Variants in PLCB4 observed in about 807,000 individuals in gnomAD.
PLCB4 encodes phospholipase C beta 4.
In PLCB4, 77 loss-of-function variants were observed where a neutral mutation model predicts 178.8. The ratio of observed to expected loss-of-function variants is 0.43; its 90% CI spans 0.36 to 0.52. PLCB4 has a LOEUF of 0.52. Ranked by LOEUF, PLCB4 falls within the 20% of genes least tolerant of loss-of-function variation. The probability of loss-of-function intolerance (pLI) is 0.00; values close to 1 mark genes in which losing one functional copy is unlikely to be tolerated. For missense variants in PLCB4, 1,024 were observed against 1,453.4 expected, an observed-to-expected ratio of 0.70 and a Z score of 4.80; for synonymous variants, 496 against 490.8, an observed-to-expected ratio of 1.01 and a Z score of -0.14.
At chr20:9,363,331 C>A (rs1308332868) in intron 8 of PLCB4, among the ~76,000 whole-genome samples, 3 of 152,158 alleles carry the variant, frequency 2.0e-5, no homozygotes, top group Admixed American at 2.0e-4. Context: ...TGGGGTAATT[C>A]TATCCTCTGC....
intron 7 of PLCB4, among the ~76,000 whole-genome samples, chr20:9,342,553 C>A (rs1443653494): frequency 6.6e-6 from 1 of 152,078 alleles, no homozygotes; most frequent in Non-Finnish European, 1.5e-5. Context: ...AACACTGTAA[C>A]TTAAGGCATA....
At chr20:9,389,982 A>G (rs776712772) in intron 16 of PLCB4, 24 bp downstream of exon 16, 4 of 1,251,454 alleles carry the variant, frequency 3.2e-6, no homozygotes, top group Admixed American at 3.4e-5. Flanking sequence ...TTCTGCCACA[A>G]GTCTCTATGT....
chr20:9,238,732 G>A (rs6140901), intron 3 of PLCB4, among the ~76,000 whole-genome samples: 11 of 152,300 alleles, frequency 7.2e-5, no homozygotes, highest in East Asian at 1.9e-4. Context: ...TTATATTTGA[G>A]AAACTTTCTG....
intron 33 of PLCB4, among the ~76,000 whole-genome samples, chr20:9,456,628 G>T (rs977701506): frequency 2.6e-5 from 4 of 152,136 alleles, no homozygotes; most frequent in Non-Finnish European, 5.9e-5. Flanking sequence ...GAATGTTTCG[G>T]CAGTGCTGCA....
At chr20:9,422,087 T>C (rs1196355929) in intron 27 of PLCB4, among the ~76,000 whole-genome samples, 1 of 152,204 alleles carries the variant, frequency 6.6e-6, no homozygotes, top group East Asian at 1.9e-4. Context: ...CAGTGGAAAA[T>C]CCGCACACCG....
intron 19 of PLCB4, among the ~76,000 whole-genome samples, chr20:9,398,689 G>GTAT (rs11469240): frequency 6.1e-4 from 91 of 150,294 alleles, no homozygotes; most frequent in East Asian, 2.5e-3. Flanking sequence ...GATGAAATGG[G>GTAT]TATTATTATT....
At chr20:9,263,253 A>AAT (rs1403411881) in intron 3 of PLCB4, among the ~76,000 whole-genome samples, 1 of 152,150 alleles carries the variant, frequency 6.6e-6, no homozygotes, top group East Asian at 1.9e-4. Context: ...GGGGTCTGAT[A>AAT]ATACTTGTCA....
chr20:9,374,453 G>C (rs2036508970), intron 12 of PLCB4, among the ~76,000 whole-genome samples: 1 of 151,772 alleles, frequency 6.6e-6, no homozygotes, highest in Non-Finnish European at 1.5e-5. Context: ...TTTGTTTTTT[G>C]GTTTCTTGTT....
intron 25 of PLCB4, among the ~76,000 whole-genome samples, chr20:9,412,876 A>T (rs2039954856): frequency 1.3e-5 from 2 of 151,912 alleles, no homozygotes; most frequent in African/African-American, 4.8e-5. Flanking sequence ...ATGGCTCCCT[A>T]CCCCTTTGAA....
At chr20:9,124,876 A>C (rs2092070121) in intron 2 of PLCB4, among the ~76,000 whole-genome samples, 1 of 152,188 alleles carries the variant, frequency 6.6e-6, no homozygotes. Flanking sequence ...TGTAATTGAC[A>C]ATTGTTTTTA....
chr20:9,313,687 T>C (rs1456083485), intron 4 of PLCB4, among the ~76,000 whole-genome samples: 1 of 152,224 alleles, frequency 6.6e-6, no homozygotes, highest in East Asian at 1.9e-4. Context: ...GTTGGACATA[T>C]GGAACAGAAA....
intron 3 of PLCB4, among the ~76,000 whole-genome samples, chr20:9,273,284 T>C (rs1250581980): frequency 6.6e-6 from 1 of 152,134 alleles, no homozygotes; most frequent in Non-Finnish European, 1.5e-5. Flanking sequence ...TTCTTCTAAG[T>C]CATTTCAATA....
chr20:9,332,270 G>T (rs150729525), intron 4 of PLCB4, among the ~76,000 whole-genome samples: 1 of 152,134 alleles, frequency 6.6e-6, no homozygotes, highest in Non-Finnish European at 1.5e-5. Flanking sequence ...CCTCAATCTG[G>T]TCAGGGAGCC....
intron 2 of PLCB4, among the ~76,000 whole-genome samples, chr20:9,148,190 T>A (rs1418842905): frequency 6.6e-6 from 1 of 152,126 alleles, no homozygotes; most frequent in Non-Finnish European, 1.5e-5. Context: ...TTAATTGGGC[T>A]CCTTCAATCC....
intron 38 of PLCB4, among the ~76,000 whole-genome samples, chr20:9,474,349 A>G (rs1292568645): frequency 1.3e-5 from 2 of 152,230 alleles, no homozygotes; most frequent in Non-Finnish European, 2.9e-5. Flanking sequence ...GCTACAGCCC[A>G]TCAGCCTTCT....
chr20:9,263,384 T>C (rs1164137464), intron 3 of PLCB4, among the ~76,000 whole-genome samples: 1 of 152,192 alleles, frequency 6.6e-6, no homozygotes, highest in Non-Finnish European at 1.5e-5. Flanking sequence ...CACTGTCTTT[T>C]CTTTTCTACC....
chr20:9,233,004 G>A (rs2093950390), intron 3 of PLCB4, among the ~76,000 whole-genome samples: 1 of 152,168 alleles, frequency 6.6e-6, no homozygotes, highest in Admixed American at 6.6e-5. Flanking sequence ...GTTCCCAGAT[G>A]TCATTCATTC....
At chr20:9,148,388 TAG>T (rs1370579970) in intron 2 of PLCB4, among the ~76,000 whole-genome samples, 1 of 152,128 alleles carries the variant, frequency 6.6e-6, no homozygotes, top group African/African-American at 2.4e-5. Context: ...ATAGGAAGAA[TAG>T]AGAGTAGTCA....
intron 3 of PLCB4, among the ~76,000 whole-genome samples, chr20:9,243,407 G>T (rs1159720164): frequency 6.6e-6 from 1 of 152,218 alleles, no homozygotes; most frequent in Non-Finnish European, 1.5e-5. Context: ...AATGACTTCA[G>T]TGGGGGTTCT....
Sources: gnomAD v4.1 joint callset for allele counts (sites outside exome capture counted in the v4.1 genomes callset) on GRCh38, gnomAD v4.1.1 for gene constraint, MANE v1.5 for transcripts, NCBI Gene and HGNC (gene_info 2026-07-23, HGNC 2026-07-21) for gene names.